Variants in CUX2 observed in about 807,000 individuals in gnomAD.
CUX2 encodes the protein homeobox protein cut-like 2.
CUX2 carries 40 observed loss-of-function variants against 144.8 expected under a neutral mutation model. That is an observed-to-expected ratio of 0.28 (90% CI 0.21 to 0.36). The LOEUF (loss-of-function observed/expected upper bound fraction) is 0.36. CUX2 is among the 10% of genes least tolerant of loss of function. The pLI is 1.00. For missense variants in CUX2, 1,615 were observed against 1,994.0 expected (o/e 0.81, Z 3.62); for synonymous variants, 827 against 875.6 (o/e 0.94, Z 0.98).
chr12:111,227,519 ACTCT>A (rs1436913164), intron 3 of CUX2, among the ~76,000 whole-genome samples: 1 of 151,928 alleles, frequency 6.6e-6, no homozygotes. Context: ...AGCTCTGGAC[ACTCT>A]CTCTGTTCTC....
chr12:111,320,511 C>T lies in CUX2; in HGVS notation c.2502C>T (p.Pro834=), dbSNP rs1475237735. The change falls in exon 17 of 22, where the codon CCC becomes CCT. Residue 834 remains proline, a synonymous_variant. Coordinates refer to ENST00000261726, the MANE Select transcript of CUX2 (RefSeq NM_015267.4). This position sits in a 1 kb window ranked among gnomAD's most constrained non-coding sequence, Gnocchi z 8.1. The stretch of plus-strand genomic sequence containing the variant: ...GCGGGGACGAGGCCCCTGTGCCCCC[C>T]GAGGACGAGGCGGCGGCAGGGGCGG... ...WPRGDEAPVP[P]EDEAAAGAED... The T allele has an allele frequency of 1.3e-6, 2 of 1,576,356 alleles. No homozygotes were observed. The highest frequency in any genetic ancestry group is 2.3e-5 in the East Asian group (1 of 43,630).
intron 15 of CUX2, among the ~76,000 whole-genome samples, chr12:111,311,578 T>G (rs1333576884): frequency 1.3e-5 from 2 of 150,922 alleles, no homozygotes; most frequent in African/African-American, 4.9e-5. Flanking sequence ...CATAAGCCAC[T>G]GTACCCTATT....
intron 1 of CUX2, among the ~76,000 whole-genome samples, chr12:111,162,833 G>A (rs540368641): frequency 6.6e-6 from 1 of 152,118 alleles, no homozygotes; most frequent in African/African-American, 2.4e-5. Flanking sequence ...ATCACCTGAG[G>A]TCAGGAGTTC....
At chr12:111,265,510 T>C (rs1459183108) in intron 4 of CUX2, among the ~76,000 whole-genome samples, 1 of 151,490 alleles carries the variant, frequency 6.6e-6, no homozygotes, top group Non-Finnish European at 1.5e-5. Context: ...CCCGGCTAAT[T>C]TTTTGTATTT....
At chr12:111,055,181 G>C (rs529805998) in intron 1 of CUX2, among the ~76,000 whole-genome samples, 1 of 152,354 alleles carries the variant, frequency 6.6e-6, no homozygotes, top group African/African-American at 2.4e-5. Context: ...GCCTCATAAA[G>C]GTCTAATGTG....
Position 111,116,664 on chromosome 12 carries a change from C to G in CUX2, c.63+82424C>G, listed in dbSNP as rs189543891. 4.4e-3 allele frequency among the ~76,000 whole-genome samples: 669 copies of G among 152,232 alleles called. 4 individuals carry two copies. The highest frequency in any genetic ancestry group is 0.015 in the African/African-American group (627 of 41,538). ...CAAGAATGGAGAGTCCTGTGGAGGA[C>G]TCGACTTTTGGAAGAGACCAGAGAT... On this transcript the variant is annotated intron_variant, in intron 1 of 21. Transcript: ENST00000261726.
In CUX2 at chr12:111,039,727, T is replaced by TA. The variant is rs899523633; in HGVS notation, c.63+5487_63+5488insA. 3.3e-5 allele frequency among the ~76,000 whole-genome samples: 5 copies of TA among 152,120 alleles called. No homozygotes were observed. The highest frequency in any genetic ancestry group is 1.3e-4 in the Admixed American group (2 of 15,282). ...TTGTATTTTTAGTAGAGACGGGGTT[T>TA]TGCAGTGTTGACCAGGCTGGTCTTG... On this transcript the variant is annotated intron_variant, in intron 1 of 21. Transcript: ENST00000261726. The surrounding 1 kb of genome is among the most constrained non-coding windows in gnomAD (Gnocchi z 4.2).
Position 111,304,209 on chromosome 12 carries a change from G to A in CUX2, c.754-1G>A. ...CGCCCACACTGTCCCCTTCTCCCCA[G>A]CGAGCTGAGGCTGCCCAGCGGGAGG... On this transcript the variant is annotated splice_acceptor_variant, in intron 9 of 21. Transcript: ENST00000261726. LOFTEE classifies it high-confidence loss of function. This position sits in a 1 kb window ranked among gnomAD's most constrained non-coding sequence, Gnocchi z 4.7. The A allele has an allele frequency of 6.2e-7, 1 of 1,612,068 alleles. No individual in the cohort carries two copies. The highest frequency in any genetic ancestry group is 8.5e-7 in the Non-Finnish European group (1 of 1,179,162).
intron 1 of CUX2, among the ~76,000 whole-genome samples, chr12:111,135,568 G>C (rs1308979075): frequency 6.6e-6 from 1 of 152,148 alleles, no homozygotes; most frequent in Non-Finnish European, 1.5e-5. Flanking sequence ...TAGCCAAAAG[G>C]TAGAACCAAC....
At chr12:111,047,879 C>T (rs901276296) in intron 1 of CUX2, among the ~76,000 whole-genome samples, 3 of 152,190 alleles carry the variant, frequency 2.0e-5, no homozygotes, top group African/African-American at 7.2e-5. Context: ...ATGATGGAGG[C>T]CCACACTGGG....
chr12:111,186,783 T>G lies in CUX2; in HGVS notation c.64-27417T>G, dbSNP rs1879560083. Among the ~76,000 whole-genome samples, 1 of 66,742 alleles carries G rather than the reference T, an allele frequency of 1.5e-5. No homozygotes were observed. The allele number at this position is 66,742 out of a possible 152,430, so 43.8% of individuals were successfully genotyped here. ...TTAAAATCGATATGATGTGTGTATG[T>G]TTTTTTTTTTTTTGAGACAGAATTT... On this transcript the variant is annotated intron_variant, in intron 1 of 21. Coordinates refer to ENST00000261726, the MANE Select transcript of CUX2 (RefSeq NM_015267.4). The surrounding 1 kb of genome is among the most constrained non-coding windows in gnomAD (Gnocchi z 4.4).
intron 1 of CUX2, among the ~76,000 whole-genome samples, chr12:111,042,402 G>A (rs2136003235): frequency 6.6e-6 from 1 of 152,244 alleles, no homozygotes; most frequent in Middle Eastern, 3.4e-3. Flanking sequence ...GTCTATGGGT[G>A]CGGGTGTCCC....
intron 1 of CUX2, among the ~76,000 whole-genome samples, chr12:111,066,123 A>T (rs757681977): frequency 6.6e-6 from 1 of 152,292 alleles, no homozygotes; most frequent in East Asian, 1.9e-4. Flanking sequence ...CAGTACTAAG[A>T]TGGGCACCTA....
intron 18 of CUX2, among the ~76,000 whole-genome samples, chr12:111,332,645 A>C (rs188954574): frequency 4.6e-5 from 7 of 152,272 alleles, no homozygotes; most frequent in African/African-American, 1.4e-4. Flanking sequence ...TCTAATTTAC[A>C]GAAAAATTGA....
chr12:111,284,189 G>A (rs181436074), intron 4 of CUX2, among the ~76,000 whole-genome samples: 10 of 152,258 alleles, frequency 6.6e-5, no homozygotes, highest in African/African-American at 9.6e-5. Context: ...CAAAGCACCC[G>A]CCTCCATGGG....
chr12:111,063,015 G>A (rs1470351323), intron 1 of CUX2, among the ~76,000 whole-genome samples: 1 of 152,124 alleles, frequency 6.6e-6, no homozygotes, highest in African/African-American at 2.4e-5. Flanking sequence ...TGAATGGGAG[G>A]GGACGAAAGA....
At chr12:111,054,922 C>G (rs968055771) in intron 1 of CUX2, among the ~76,000 whole-genome samples, 3 of 152,176 alleles carry the variant, frequency 2.0e-5, no homozygotes, top group Non-Finnish European at 4.4e-5. Context: ...CCACCACACC[C>G]GGCCCTAGAC....
At position 111,120,878 on chromosome 12, in the gene CUX2, T is replaced by TA. The variant is rs551580720; in HGVS notation, c.63+86639dup. 1.7e-3 allele frequency among the ~76,000 whole-genome samples: 263 copies of TA among 152,222 alleles called. No individual in the cohort carries two copies. The Middle Eastern group carries it at 0.02, about 12-fold the overall frequency. ...GTTGTTGTCACTTTTGATTTTAGAA[T>TA]ACTTACTTGTGCCTCCAGTAATGAA... On this transcript the variant is annotated intron_variant, in intron 1 of 21. Coordinates refer to ENST00000261726, the MANE Select transcript of CUX2 (RefSeq NM_015267.4).
chr12:111,146,663 C>A (rs543238158), intron 1 of CUX2, among the ~76,000 whole-genome samples: 5 of 152,104 alleles, frequency 3.3e-5, no homozygotes, highest in Non-Finnish European at 5.9e-5. Context: ...AGGACACTAA[C>A]GTGCGGGTGT....
Sources: gnomAD v4.1 joint callset for allele counts (sites outside exome capture counted in the v4.1 genomes callset) on GRCh38, gnomAD v4.1.1 for gene constraint, Gnocchi (gnomAD v3.1) non-coding constraint, MANE v1.5 for transcripts, NCBI Gene and HGNC (gene_info 2026-07-23, HGNC 2026-07-21) for gene names.